Variants in ZNF28 observed in about 807,000 individuals in gnomAD.
ZNF28 encodes zinc finger protein KOX24.
In ZNF28, 5 loss-of-function variants were observed where a neutral mutation model predicts 7.2. The ratio of observed to expected loss-of-function variants is 0.70; its 90% CI spans 0.36 to 1.46. ZNF28 has a LOEUF of 1.46. Ranked by LOEUF, ZNF28 falls within the 40% of genes most tolerant of loss-of-function variation. The pLI, the probability that ZNF28 is intolerant of heterozygous loss-of-function variation, is 0.03. For missense variants in ZNF28, 879 were observed against 866.6 expected, an observed-to-expected ratio of 1.01 and a Z score of -0.18; for synonymous variants, 288 against 292.4, an observed-to-expected ratio of 0.99 and a Z score of 0.15.
At position 52,808,202 on chromosome 19, in the gene ZNF28, G is replaced by C; in HGVS notation, c.16-69C>G. ...CTTATCTTTACAGAAAATGACAAGA[G>C]AGGGGGAAAGCATGGATTTAGTTGT... On this transcript the variant is annotated intron_variant, in intron 2 of 3. Transcript: ENST00000457749. 3 of 1,591,524 alleles carry C rather than the reference G, an allele frequency of 1.9e-6. No individual in the cohort carries two copies. In the Admixed American group the frequency reaches 5.4e-5, roughly 29 times the overall value.
At chr19:52,812,683 T>C (rs1299986382) in intron 2 of ZNF28, among the ~76,000 whole-genome samples, 1 of 136,266 alleles carries the variant, frequency 7.3e-6, no homozygotes, top group East Asian at 2.0e-4. Context: ...TTCACTTGTT[T>C]ATCTGCTGAC....
At chr19:52,810,788 A>C (rs2063012754) in intron 2 of ZNF28, 3 of 471,052 alleles carry the variant, frequency 6.4e-6, no homozygotes, top group East Asian at 7.0e-5. Context: ...CCCAAAAAAA[A>C]CAGAAGATGA....
At chr19:52,803,700 C>T (rs563060334) in intron 3 of ZNF28, among the ~76,000 whole-genome samples, 3 of 152,224 alleles carry the variant, frequency 2.0e-5, no homozygotes, top group South Asian at 2.1e-4. Context: ...GGCACGGTGG[C>T]GCATGCCTGT....
intron 3 of ZNF28, among the ~76,000 whole-genome samples, chr19:52,803,579 C>A (rs1456466245): frequency 6.6e-6 from 1 of 152,178 alleles, no homozygotes; most frequent in Non-Finnish European, 1.5e-5. Flanking sequence ...CTTGTACTTA[C>A]CACCAGCACA....
At chr19:52,810,731 G>T in intron 2 of ZNF28, 2 of 620,648 alleles carry the variant, frequency 3.2e-6, no homozygotes, top group African/African-American at 2.1e-5. Flanking sequence ...TTAGGAGAGA[G>T]AGGAAAAAAA....
At chr19:52,812,769 A>T (rs1434490515) in intron 2 of ZNF28, among the ~76,000 whole-genome samples, 6 of 119,258 alleles carry the variant, frequency 5.0e-5, no homozygotes, top group African/African-American at 2.0e-4. Flanking sequence ...CAATAAAAAA[A>T]AAAAAAAAAA....
chr19:52,818,421 A>G (rs1160898818), intron 1 of ZNF28, among the ~76,000 whole-genome samples: 1 of 152,166 alleles, frequency 6.6e-6, no homozygotes, highest in South Asian at 2.1e-4. Context: ...TACTAAAAAT[A>G]TAAAAATTGG....
chr19:52,798,976 G>T lies in ZNF28; in HGVS notation c.*712C>A. 8.5e-7 allele frequency: 1 copy of T among 1,177,742 alleles called. No individual in the cohort carries two copies. The highest frequency in any genetic ancestry group is 1.2e-6 in the Non-Finnish European group (1 of 848,436). The allele number at this position is 1,177,742 out of a possible 1,614,324, so 73.0% of individuals were successfully genotyped here. ...TGTGAATTCTAGTATGGTGTGCCAG[G>T]TGTGAATCACTCCCAAAAGCCTTGT... is the stretch of plus-strand genomic sequence containing the variant. On this transcript the variant is annotated 3_prime_UTR_variant, in exon 4 of 4. Coordinates refer to ENST00000457749, the MANE Select transcript of ZNF28 (RefSeq NM_006969.5).
At chr19:52,805,961 C>T (rs1172463475) in intron 3 of ZNF28, 1 of 151,950 alleles carries the variant, frequency 6.6e-6, no homozygotes, top group Non-Finnish European at 1.5e-5. Context: ...GCCTGGGTGA[C>T]AACAGCAAAA....
At chr19:52,804,326 T>C (rs7256618) in intron 3 of ZNF28, among the ~76,000 whole-genome samples, 15,267 of 152,168 alleles carry the variant, frequency 0.1, 1,411 homozygotes, top group African/African-American at 0.23. Context: ...GATGGAGTCA[T>C]GCTCTATCAC....
Position 52,799,916 on chromosome 19 carries a change from G to A in ZNF28, c.1929C>T (p.Thr643=). The A allele has an allele frequency of 2.5e-6, 4 of 1,613,462 alleles. No homozygotes were observed. In the South Asian group the frequency reaches 3.3e-5, roughly 13 times the overall value. The part of the protein sequence containing the change: ...KPYKCNECGK[T]FSQMSSLVYH... ...ATACGAGGGATGACATCTGACTGAA[G>A]GTCTTGCCACACTCATTACACTTGT... The change falls in exon 4 of 4, where the codon ACC becomes ACT. Residue 643 remains threonine, a synonymous_variant. Transcript: ENST00000457749.
rs140144036 is a variant in ZNF28, at chr19:52,808,654, A to C, written c.16-521T>G. ...CAAAAAAAAAAAAATTAAAAAAAAA[A>C]ACAAAAAACATTAGCTGGACCTGGT... On this transcript the variant is annotated intron_variant, in intron 2 of 3. Transcript: ENST00000457749. Among the ~76,000 whole-genome samples the C allele has an allele frequency of 2.9e-3, 433 of 151,872 alleles. 3 individuals carry two copies. The highest frequency in any genetic ancestry group is 5.1e-3 in the Non-Finnish European group (349 of 67,936).
chr19:52,800,417 GAA>G lies in ZNF28; in HGVS notation c.1426_1427del (p.Phe476GlnfsTer7). 4 of 1,613,436 alleles carry G rather than the reference GAA, an allele frequency of 2.5e-6. No homozygotes were observed. The highest frequency in any genetic ancestry group is 2.5e-6 in the Non-Finnish European group (3 of 1,179,744). On this transcript the variant is annotated frameshift_variant, in exon 4 of 4. Coordinates refer to ENST00000457749, the MANE Select transcript of ZNF28 (RefSeq NM_006969.5). LOFTEE classifies it low-confidence loss of function (END_TRUNC). ...GTCTTTCAAGGTGTGATTTGCACCTGAAAACTTTGTCACATTCTTCACATTTG... is the reference window on the plus strand; with the variant it reads ...GTCTTTCAAGGTGTGATTTGCACCTGAACTTTGTCACATTCTTCACATTTG... ...PYKCEECDKV[F>X]RCKSHLERHR...
At position 52,800,745 on chromosome 19, in the gene ZNF28, A is replaced by G; in HGVS notation, c.1100T>C (p.Leu367Pro). The G allele has an allele frequency of 6.3e-7, 1 of 1,591,232 alleles. No homozygotes were observed. Among genetic ancestry groups the G allele is most frequent in the Non-Finnish European group, 8.5e-7 (1 of 1,171,368 alleles). Reference protein sequence around the residue: ...CNECGKVFNRLSTLARHRRLH... With the variant: ...CNECGKVFNRPSTLARHRRLH... ...CCTACGATGGCGTGCAAGGGTTGAC[A>G]GTCGATTAAAAACCTTGCCACATTC... The change falls in exon 4 of 4, where the codon CTG (leucine) becomes CCG (proline). Residue 367 changes from leucine to proline, a missense_variant. This residue lies in a region of ZNF28 where 864 missense variants were observed against 830.2 expected (regional missense o/e 1.04). Coordinates refer to ENST00000457749, the MANE Select transcript of ZNF28 (RefSeq NM_006969.5).
chr19:52,819,395 T>C lies in ZNF28; in HGVS notation c.-73-1364A>G, dbSNP rs1165792872. ...CTACCACTCTCTTTCTTCCATTCTA[T>C]TGCTTTTTTTTTTCATTTTTGGGGT... On this transcript the variant is annotated intron_variant, in intron 1 of 3. Transcript: ENST00000457749. Among the ~76,000 whole-genome samples the C allele has an allele frequency of 6.2e-5, 5 of 81,180 alleles. 2 individuals carry two copies. Among genetic ancestry groups the C allele is most frequent in the African/African-American group, 1.8e-4 (4 of 22,186 alleles). The allele number at this position is 81,180 out of a possible 152,430, so 53.3% of individuals were successfully genotyped here. A position where few individuals can be genotyped will look rare whatever the true frequency, so the allele number is the denominator to read the frequency against.
intron 2 of ZNF28, among the ~76,000 whole-genome samples, chr19:52,812,762 TAAAAAAA>T (rs56944474): frequency 5.3e-5 from 4 of 75,400 alleles, no homozygotes; most frequent in African/African-American, 1.7e-4. Flanking sequence ...GAATGATCAA[TAAAAAAA>T]AAAAAAAAAA....
chr19:52,812,803 T>C (rs939743776), intron 2 of ZNF28, among the ~76,000 whole-genome samples: 49 of 147,484 alleles, frequency 3.3e-4, no homozygotes, highest in Non-Finnish European at 6.3e-4. Flanking sequence ...AAGTGTGCTG[T>C]GTAGAGAGTG....
chr19:52,811,762 G>A (rs1365754084), intron 2 of ZNF28, among the ~76,000 whole-genome samples: 2 of 141,272 alleles, frequency 1.4e-5, no homozygotes, highest in Non-Finnish European at 3.1e-5. Flanking sequence ...GAGGGAGGTC[G>A]GGGGGGTCAG....
chr19:52,811,859 C>T (rs1405022573), intron 2 of ZNF28, among the ~76,000 whole-genome samples: 28 of 141,842 alleles, frequency 2.0e-4, no homozygotes, highest in Admixed American at 1.4e-4. Flanking sequence ...CCCCTCTGCC[C>T]GGCCAGCCGC....
Sources: gnomAD v4.1 joint callset for allele counts (sites outside exome capture counted in the v4.1 genomes callset) on GRCh38, gnomAD v4.1.1 for gene constraint, gnomAD v4.1.1 regional missense constraint, MANE v1.5 for transcripts, NCBI Gene and HGNC (gene_info 2026-07-23, HGNC 2026-07-21) for gene names.